FAT3: variants seen among roughly 807,000 people sequenced by gnomAD.
The protein encoded by FAT3 is FAT atypical cadherin 3.
Under a neutral mutation model 310.2 loss-of-function variants are expected in FAT3, and 95 were observed. That is an observed-to-expected ratio of 0.31 (90% CI 0.26 to 0.36). FAT3 has a LOEUF of 0.36. Ranked by LOEUF, FAT3 falls within the 10% of genes least tolerant of loss-of-function variation. The probability of loss-of-function intolerance (pLI) is 1.00; values close to 1 mark genes in which losing one functional copy is unlikely to be tolerated. For synonymous variants in FAT3, 2,314 were observed against 2,192.9 expected, an observed-to-expected ratio of 1.06 and a Z score of -1.54; for missense variants, 5,408 against 5,715.6, an observed-to-expected ratio of 0.95 and a Z score of 1.74.
intron 2 of FAT3, among the ~76,000 whole-genome samples, chr11:92,412,402 A>ATTTTTTTTTTTTTTTTTTTTTTTTTTTT (rs780298367): frequency 9.9e-6 from 1 of 101,126 alleles, no homozygotes; most frequent in Non-Finnish European, 1.9e-5. Flanking sequence ...GACCCGGCCT[A>ATTTTTTTTTTTTTTTTTTTTTTTTTTTT]TTTTTTTTTT....
intron 9 of FAT3, 118 bp from the exon 10 acceptor site, chr11:92,797,718 T>C (rs1313418777): frequency 1.2e-6 from 1 of 818,432 alleles, no homozygotes; most frequent in Non-Finnish European, 1.9e-6. Context: ...CACAGATGAG[T>C]ACTATAATTG....
At chr11:92,623,958 TA>T (rs1415036961) in intron 3 of FAT3, among the ~76,000 whole-genome samples, 1 of 152,004 alleles carries the variant, frequency 6.6e-6, no homozygotes, top group African/African-American at 2.4e-5. Context: ...AAAAAAAAAT[TA>T]AAATCGCTTA....
chr11:92,788,785 C>T (rs1046827496), intron 7 of FAT3, among the ~76,000 whole-genome samples: 3 of 152,002 alleles, frequency 2.0e-5, no homozygotes, highest in Admixed American at 1.3e-4. Context: ...AAAACCACAG[C>T]GATGCTATGA....
chr11:92,672,247 C>G (rs919505075), intron 3 of FAT3, among the ~76,000 whole-genome samples: 2 of 152,188 alleles, frequency 1.3e-5, no homozygotes, highest in South Asian at 4.1e-4. Flanking sequence ...CTCATCAAAT[C>G]ACATTTCACA....
chr11:92,813,981 G>A (rs1433906259), intron 13 of FAT3, among the ~76,000 whole-genome samples: 2 of 152,160 alleles, frequency 1.3e-5, no homozygotes, highest in African/African-American at 4.8e-5. Context: ...GGGCTCTTCA[G>A]TGCCCTTATA....
In FAT3 at chr11:92,801,114, C is replaced by G; in HGVS notation, c.8101C>G (p.Pro2701Ala). 1.9e-6 allele frequency: 3 copies of G among 1,613,944 alleles called. No individual in the cohort carries two copies. The highest frequency in any genetic ancestry group is 1.3e-5 in the African/African-American group (1 of 75,032). ...TCCTGTCTATATCCACGTCTTGCCC[C>G]CTGAAACGTTCTTGCCATCATTCAC... Reference protein sequence around the residue: ...LIPVYIHVLPPETFLPSFTQS... With the variant: ...LIPVYIHVLPAETFLPSFTQS... Residue 2701 changes from proline (P) to alanine (A), a missense_variant, in exon 10 of 28, where the codon CCT becomes GCT. Transcript: ENST00000525166.
At position 92,843,918 on chromosome 11, in the gene FAT3, C is replaced by T. The variant is rs79634617; in HGVS notation, c.10567-16C>T. On this transcript the variant is annotated splice_polypyrimidine_tract_variant and intron_variant, in intron 18 of 27. Coordinates refer to ENST00000525166, the MANE Select transcript of FAT3 (RefSeq NM_001367949.2). ...TTTTCTTCCTTTGTTGCCTTTTCAC[C>T]TCTTGGTTGTTTTAGGCAAAGGATT... is the stretch of plus-strand genomic sequence containing the variant. The T allele has an allele frequency of 3.4e-5, 53 of 1,572,344 alleles. No individual in the cohort carries two copies. The African/African-American group carries it at 6.4e-4, about 19-fold the overall frequency.
intron 2 of FAT3, among the ~76,000 whole-genome samples, chr11:92,474,004 A>T (rs1489396923): frequency 1.3e-5 from 2 of 152,174 alleles, no homozygotes; most frequent in Non-Finnish European, 2.9e-5. Context: ...CACCACATAG[A>T]TGCCTTGTCA....
intron 2 of FAT3, among the ~76,000 whole-genome samples, chr11:92,404,226 A>T (rs916615970): frequency 6.6e-6 from 1 of 152,168 alleles, no homozygotes; most frequent in Non-Finnish European, 1.5e-5. Flanking sequence ...ACAAATATTA[A>T]AAAAGACATT....
chr11:92,574,724 T>G lies in FAT3; in HGVS notation c.3607+49776T>G, dbSNP rs898136992. ...CATTCTGGACCTTTGACACTCATCT[T>G]CATGGACTATGTATTGATTGCTATT... On this transcript the variant is annotated intron_variant, in intron 3 of 27. Coordinates refer to ENST00000525166, the MANE Select transcript of FAT3 (RefSeq NM_001367949.2). Among the ~76,000 whole-genome samples the G allele has an allele frequency of 2.0e-5, 3 of 152,194 alleles. No homozygotes were observed. The South Asian group carries it at 6.2e-4, about 31-fold the overall frequency.
intron 10 of FAT3, 23 bp downstream of exon 10, chr11:92,801,932 C>T: frequency 6.3e-7 from 1 of 1,594,084 alleles, no homozygotes; most frequent in South Asian, 1.1e-5. Context: ...CCCCAGTTTT[C>T]ATTATGTGCA....
intron 1 of FAT3, among the ~76,000 whole-genome samples, chr11:92,325,088 G>A (rs12279385): frequency 0.14 from 20,573 of 152,182 alleles, 2,756 homozygotes; most frequent in African/African-American, 0.35. Flanking sequence ...ACATTCTCTG[G>A]GGATTGTTGT....
At chr11:92,856,269 T>C (rs1157272842) in intron 19 of FAT3, among the ~76,000 whole-genome samples, 1 of 152,250 alleles carries the variant, frequency 6.6e-6, no homozygotes, top group Non-Finnish European at 1.5e-5. Context: ...GAAAGGGCAC[T>C]CCTTTAGGCT....
At chr11:92,602,783 A>C (rs78789957) in intron 3 of FAT3, among the ~76,000 whole-genome samples, 1 of 152,218 alleles carries the variant, frequency 6.6e-6, no homozygotes, top group South Asian at 2.1e-4. Context: ...TCTAGATAGT[A>C]GATGTGTATT....
At chr11:92,525,762 T>C (rs761118081) in intron 3 of FAT3, among the ~76,000 whole-genome samples, 1 of 152,176 alleles carries the variant, frequency 6.6e-6, no homozygotes, top group Non-Finnish European at 1.5e-5. Context: ...GGCAAGTGAG[T>C]TGATATTGGT....
chr11:92,645,328 G>A (rs1942110145), intron 3 of FAT3, among the ~76,000 whole-genome samples: 1 of 152,174 alleles, frequency 6.6e-6, no homozygotes, highest in Non-Finnish European at 1.5e-5. Context: ...AATACTGTCT[G>A]TAATTATTTT....
intron 23 of FAT3, among the ~76,000 whole-genome samples, chr11:92,881,810 C>T (rs1949675745): frequency 6.6e-6 from 1 of 152,124 alleles, no homozygotes; most frequent in African/African-American, 2.4e-5. Context: ...CAAAGTGAGT[C>T]ATGGATTGCT....
intron 13 of FAT3, among the ~76,000 whole-genome samples, chr11:92,823,140 G>A (rs1948014164): frequency 6.6e-6 from 1 of 152,164 alleles, no homozygotes; most frequent in Non-Finnish European, 1.5e-5. Flanking sequence ...TGCCTGCCAT[G>A]CAGCAGGAGT....
intron 4 of FAT3, among the ~76,000 whole-genome samples, chr11:92,715,419 AAAAT>A (rs1268402531): frequency 2.6e-5 from 4 of 151,820 alleles, no homozygotes; most frequent in African/African-American, 9.7e-5. Context: ...AAAAAATAAA[AAAAT>A]AAATAAAAAT....
Sources: allele counts gnomAD v4.1 joint callset (sites outside exome capture counted in the v4.1 genomes callset), GRCh38; gene constraint gnomAD v4.1.1; transcripts MANE v1.5; gene names NCBI Gene and HGNC (gene_info 2026-07-23, HGNC 2026-07-21).